The following ADAMTSL1 variants were observed in gnomAD, a reference collection of about 807,000 sequenced individuals.
ADAMTSL1 encodes the protein ADAMTS-like protein 1.
A neutral mutation model predicts 201.8 loss-of-function variants in ADAMTSL1; 126 were observed. The observed-to-expected ratio is 0.62, with a 90% CI of 0.54 to 0.72. The LOEUF (loss-of-function observed/expected upper bound fraction) is 0.72, where lower values mean the gene tolerates loss of function less well. ADAMTSL1 is among the 30% of genes least tolerant of loss of function. The pLI is 0.00. For missense variants in ADAMTSL1, 2,679 were observed against 2,277.8 expected, an observed-to-expected ratio of 1.18 and a Z score of -3.59; for synonymous variants, 1,121 against 903.4, an observed-to-expected ratio of 1.24 and a Z score of -4.32.
At chr9:17,908,647 G>A (rs189069942) in intron 1 of ADAMTSL1, among the ~76,000 whole-genome samples, 4 of 152,160 alleles carry the variant, frequency 2.6e-5, no homozygotes, top group Admixed American at 2.6e-4. Flanking sequence ...TAGTAGAGAC[G>A]GGTTTTCACC....
chr9:18,202,693 C>T (rs981963352), intron 2 of ADAMTSL1, among the ~76,000 whole-genome samples: 5 of 152,116 alleles, frequency 3.3e-5, no homozygotes, highest in African/African-American at 1.2e-4. Context: ...GTAACACTTC[C>T]GTCCCCTTAT....
chr9:18,507,176 T>C (rs904353965), intron 2 of ADAMTSL1, among the ~76,000 whole-genome samples: 2 of 152,214 alleles, frequency 1.3e-5, no homozygotes, highest in African/African-American at 2.4e-5. Flanking sequence ...ATTCTGATCC[T>C]TGTAAGACAA....
chr9:18,157,275 G>C (rs1192218667), intron 1 of ADAMTSL1, among the ~76,000 whole-genome samples: 1 of 152,034 alleles, frequency 6.6e-6, no homozygotes, highest in Non-Finnish European at 1.5e-5. Context: ...TTACAGAATT[G>C]TTTGTGGGAT....
chr9:18,286,082 A>G (rs1832983175), intron 2 of ADAMTSL1, among the ~76,000 whole-genome samples: 1 of 152,036 alleles, frequency 6.6e-6, no homozygotes, highest in Admixed American at 6.6e-5. Context: ...TGTTTTGCTA[A>G]GTACTGTTTA....
At chr9:18,018,093 C>A (rs1224206271) in intron 1 of ADAMTSL1, among the ~76,000 whole-genome samples, 1 of 151,974 alleles carries the variant, frequency 6.6e-6, no homozygotes, top group African/African-American at 2.4e-5. Context: ...AAAGAAACTA[C>A]ACATATATAG....
chr9:18,810,028 A>T (rs1294415646), intron 20 of ADAMTSL1, among the ~76,000 whole-genome samples: 1 of 152,114 alleles, frequency 6.6e-6, no homozygotes, highest in East Asian at 1.9e-4. Flanking sequence ...TGCTGGTGAG[A>T]TGCAGGGGTA....
intron 2 of ADAMTSL1, among the ~76,000 whole-genome samples, chr9:18,399,834 A>G (rs1563935214): frequency 6.6e-6 from 1 of 152,114 alleles, no homozygotes; most frequent in Non-Finnish European, 1.5e-5. Flanking sequence ...TTTGTTCCTG[A>G]CAAATTTTTT....
At chr9:18,081,099 A>G (rs1452661954) in intron 1 of ADAMTSL1, among the ~76,000 whole-genome samples, 1 of 152,124 alleles carries the variant, frequency 6.6e-6, no homozygotes, top group African/African-American at 2.4e-5. Flanking sequence ...AAAGAAAACA[A>G]CATTGCTCAG....
chr9:18,855,229 G>C (rs1049048086), intron 23 of ADAMTSL1, among the ~76,000 whole-genome samples: 1 of 152,162 alleles, frequency 6.6e-6, no homozygotes, highest in African/African-American at 2.4e-5. Context: ...ATCTTGGCAC[G>C]AATAAAATCC....
chr9:18,074,922 G>C (rs1484139773), intron 1 of ADAMTSL1, among the ~76,000 whole-genome samples: 1 of 152,140 alleles, frequency 6.6e-6, no homozygotes, highest in East Asian at 1.9e-4. Flanking sequence ...CACTGGAAAG[G>C]GAATGCTGTC....
intron 1 of ADAMTSL1, among the ~76,000 whole-genome samples, chr9:18,163,398 A>G (rs1428060372): frequency 6.6e-6 from 1 of 152,026 alleles, no homozygotes; most frequent in Admixed American, 6.6e-5. Flanking sequence ...TGAATAGCCC[A>G]GGAAGTCAGT....
intron 1 of ADAMTSL1, among the ~76,000 whole-genome samples, chr9:17,951,471 C>T (rs1247289189): frequency 6.6e-6 from 1 of 152,146 alleles, no homozygotes; most frequent in Non-Finnish European, 1.5e-5. Flanking sequence ...ACATTCTAAC[C>T]ATGCTATTTT....
At position 18,866,116 on chromosome 9, in the gene ADAMTSL1, C is replaced by CAAAAAAAAA. The variant is rs76778655; in HGVS notation, c.4250-21709_4250-21701dup. Among the ~76,000 whole-genome samples the CAAAAAAAAA allele has an allele frequency of 1.3e-3, 100 of 78,558 alleles. 11 individuals carry two copies. In the East Asian group the frequency reaches 0.017, roughly 13 times the overall value. 51.5% of individuals were successfully genotyped at this position (78,558 alleles called of 152,430 possible). ...AGAGAGATTGCTTGCCTTCAAAAAC[C>CAAAAAAAAA]AAAAAAAAAAAAAATGACGGATACT... On this transcript the variant is annotated intron_variant, in intron 23 of 28. Coordinates refer to ENST00000380548, the MANE Select transcript of ADAMTSL1 (RefSeq NM_001040272.6).
intron 2 of ADAMTSL1, among the ~76,000 whole-genome samples, chr9:18,403,504 T>A (rs2133276841): frequency 6.6e-6 from 1 of 152,318 alleles, no homozygotes; most frequent in African/African-American, 2.4e-5. Flanking sequence ...TAATTTTAAG[T>A]TAGCTCCTCA....
chr9:18,286,550 T>C lies in ADAMTSL1; in HGVS notation c.207+122569T>C, dbSNP rs552015106. On this transcript the variant is annotated intron_variant, in intron 2 of 29. Coordinates refer to the ADAMTSL1 transcript ENST00000680146. ...CCAAAGATAATGATAGTAGATACTT[T>C]GTGTTTCTATAGCAGTTTATGGTTT... 1.4e-5 allele frequency among the ~76,000 whole-genome samples: 2 copies of C among 139,648 alleles called. 1 individual carries two copies. Among genetic ancestry groups the C allele is most frequent in the South Asian group, 5.4e-4 (2 of 3,670 alleles). The allele number at this position is 139,648 out of a possible 152,430, so 91.6% of individuals were successfully genotyped here. A position where few individuals can be genotyped will look rare whatever the true frequency, so the allele number is the denominator to read the frequency against.
At chr9:18,601,289 C>T (rs1043075551) in intron 4 of ADAMTSL1, among the ~76,000 whole-genome samples, 1 of 152,118 alleles carries the variant, frequency 6.6e-6, no homozygotes, top group African/African-American at 2.4e-5. Flanking sequence ...AGAACATCAA[C>T]TATGTATTTA....
intron 2 of ADAMTSL1, among the ~76,000 whole-genome samples, chr9:18,288,926 C>G (rs2132667782): frequency 6.6e-6 from 1 of 152,324 alleles, no homozygotes; most frequent in South Asian, 2.1e-4. Flanking sequence ...CATTGTGAAA[C>G]TGTAGGTGAG....
rs1825874207 is a variant in ADAMTSL1, at chr9:17,910,245, T to A, written c.87+3323T>A. Among the ~76,000 whole-genome samples, 2 of 68,896 alleles carry A rather than the reference T, an allele frequency of 2.9e-5. 1 individual carries two copies. The highest frequency in any genetic ancestry group is 8.9e-5 in the Non-Finnish European group (2 of 22,486). The allele number at this position is 68,896 out of a possible 152,430, so 45.2% of individuals were successfully genotyped here. ...CTGAACCAAATTAAGACATCTTTCGTCTTATTTTTAAATATCCACAAGGTA... is the reference window on the plus strand; with the variant it reads ...CTGAACCAAATTAAGACATCTTTCGACTTATTTTTAAATATCCACAAGGTA... On this transcript the variant is annotated intron_variant, in intron 1 of 29. Transcript: ENST00000680146.
At chr9:18,106,204 G>A (rs1023983223) in intron 1 of ADAMTSL1, among the ~76,000 whole-genome samples, 4 of 152,190 alleles carry the variant, frequency 2.6e-5, no homozygotes, top group Non-Finnish European at 4.4e-5. Context: ...CTTGCATCTT[G>A]TTCTCCCTGC....
Sources: allele counts gnomAD v4.1 joint callset (sites outside exome capture counted in the v4.1 genomes callset), GRCh38; gene constraint gnomAD v4.1.1; transcripts MANE v1.5; gene names NCBI Gene and HGNC (gene_info 2026-07-23, HGNC 2026-07-21).